The following ANKRD36C variants were observed in gnomAD, a reference collection of about 807,000 sequenced individuals.
ANKRD36C encodes the protein ankyrin repeat domain 36C.
ANKRD36C carries 61 observed loss-of-function variants against 276.4 expected under a neutral mutation model. The ratio of observed to expected loss-of-function variants is 0.22; its 90% CI spans 0.18 to 0.27. The LOEUF (loss-of-function observed/expected upper bound fraction) is 0.27. Among genes scored for constraint, ANKRD36C ranks in the 10% least tolerant of loss-of-function variants. ANKRD36C has a pLI of 1.00. For synonymous variants in ANKRD36C, 483 were observed against 680.1 expected (o/e 0.71, Z 4.51); for missense variants, 1,447 against 2,032.3 (o/e 0.71, Z 5.54).
intron 59 of ANKRD36C, chr2:95,875,964 A>G (rs1675943124): frequency 2.3e-6 from 1 of 444,088 alleles, no homozygotes. Context: ...CTCCCTGAAC[A>G]TAGAAACTGA....
exon 63 of ANKRD36C, chr2:95,855,576 A>G (rs5005868): frequency 2.6e-4 from 424 of 1,610,708 alleles, no homozygotes; most frequent in Non-Finnish European, 3.5e-4. Context: ...CATTTTTTCA[A>G]TGTCCTTCAT....
At chr2:95,872,206 G>A (rs1295634488) in intron 59 of ANKRD36C, among the ~76,000 whole-genome samples, 1 of 142,712 alleles carries the variant, frequency 7.0e-6, no homozygotes. Flanking sequence ...CAAATCAACA[G>A]AATATACATT....
chr2:95,887,907 T>C lies in ANKRD36C; in HGVS notation c.3061+18A>G. ...TATCTGGACTGAACATGACATTAAA[T>C]GTGTTTTGTGAAATTACCTGTTCCA... On this transcript the variant is annotated intron_variant, in intron 50 of 66. Coordinates refer to ENST00000456556, the Ensembl canonical transcript of ANKRD36C. The C allele has an allele frequency of 6.4e-7, 1 of 1,571,440 alleles. No individual in the cohort carries two copies. The highest frequency in any genetic ancestry group is 8.6e-7 in the Non-Finnish European group (1 of 1,157,420).
rs1400090326 is a variant in ANKRD36C, at chr2:95,915,014, T to C, written c.2450-711A>G. The stretch of plus-strand genomic sequence containing the variant: ...AATAAAAATATCATCCATTATCAAT[T>C]TTGACATATTTCTACAAAGTAAAAC... On this transcript the variant is annotated intron_variant, in intron 38 of 66. Transcript: ENST00000456556. Among the ~76,000 whole-genome samples, 3 of 151,568 alleles carry C rather than the reference T, an allele frequency of 2.0e-5. No individual in the cohort carries two copies. In the East Asian group the frequency reaches 5.9e-4, roughly 30 times the overall value.
At chr2:95,959,040 A>C (rs1311081367) in intron 10 of ANKRD36C, among the ~76,000 whole-genome samples, 2 of 152,252 alleles carry the variant, frequency 1.3e-5, no homozygotes, top group African/African-American at 4.8e-5. Flanking sequence ...GCAATAAAAC[A>C]GTGTCTATAT....
At chr2:95,892,646 T>C (rs1459438259) in intron 44 of ANKRD36C, among the ~76,000 whole-genome samples, 3 of 151,546 alleles carry the variant, frequency 2.0e-5, no homozygotes, top group Non-Finnish European at 3.0e-5. Flanking sequence ...ATCACTGCAA[T>C]ATTCACTATA....
At chr2:95,882,404 T>C in intron 55 of ANKRD36C, 30 bp from the exon 76 acceptor site, 2 of 1,547,286 alleles carry the variant, frequency 1.3e-6, no homozygotes, top group Admixed American at 2.0e-5. Flanking sequence ...AAATAGTCAA[T>C]ACATAATATA....
chr2:95,869,467 CTT>C, intron 59 of ANKRD36C, among the ~76,000 whole-genome samples: 1 of 152,174 alleles, frequency 6.6e-6, no homozygotes, highest in East Asian at 1.9e-4. Context: ...ATTAGGCAAA[CTT>C]TAAATTATTA....
chr2:95,979,159 A>G (rs1269412067), intron 5 of ANKRD36C, among the ~76,000 whole-genome samples: 1 of 152,110 alleles, frequency 6.6e-6, no homozygotes, highest in Non-Finnish European at 1.5e-5. Context: ...CTCAGTTTAT[A>G]GATCACCTTA....
intron 6 of ANKRD36C, among the ~76,000 whole-genome samples, chr2:95,964,213 C>T (rs1020396412): frequency 1.3e-5 from 2 of 150,454 alleles, no homozygotes; most frequent in African/African-American, 4.9e-5. Flanking sequence ...CTAGATTAAG[C>T]TGCAACCCAA....
chr2:95,972,219 A>C (rs1275801935), intron 6 of ANKRD36C, among the ~76,000 whole-genome samples: 5 of 152,194 alleles, frequency 3.3e-5, no homozygotes, highest in Non-Finnish European at 7.3e-5. Context: ...ACTATACCTA[A>C]ACTGTTTGCA....
intron 22 of ANKRD36C, among the ~76,000 whole-genome samples, chr2:95,937,689 C>T (rs1677755611): frequency 6.6e-6 from 1 of 152,424 alleles, no homozygotes; most frequent in Non-Finnish European, 1.5e-5. Flanking sequence ...TTTCCAATGT[C>T]ATTCTCTGAA....
exon 63 of ANKRD36C, chr2:95,856,124 A>G: frequency 6.2e-7 from 1 of 1,608,118 alleles, no homozygotes; most frequent in Non-Finnish European, 8.5e-7. Flanking sequence ...TGGCAATTTC[A>G]TCTTGCATCA....
At chr2:95,889,073 T>A (rs1184926379) in intron 48 of ANKRD36C, among the ~76,000 whole-genome samples, 2 of 151,582 alleles carry the variant, frequency 1.3e-5, no homozygotes, top group South Asian at 4.1e-4. Flanking sequence ...TATTCGTTTA[T>A]CTCAGTTTTA....
At chr2:95,953,325 C>T (rs1185059838) in intron 14 of ANKRD36C, among the ~76,000 whole-genome samples, 1 of 152,050 alleles carries the variant, frequency 6.6e-6, no homozygotes, top group Non-Finnish European at 1.5e-5. Context: ...GACTTGATCT[C>T]TTGAATAGGT....
intron 60 of ANKRD36C, among the ~76,000 whole-genome samples, chr2:95,863,486 G>A (rs1421602994): frequency 1.3e-5 from 2 of 152,092 alleles, no homozygotes; most frequent in Non-Finnish European, 2.9e-5. Flanking sequence ...AACTCAGTCT[G>A]TAATGTTAGC....
chr2:95,854,477 A>C (rs1675363847), intron 63 of ANKRD36C, among the ~76,000 whole-genome samples: 1 of 152,260 alleles, frequency 6.6e-6, no homozygotes, highest in South Asian at 2.1e-4. Context: ...CCAGTGTCAA[A>C]CTAATAAATC....
chr2:95,896,705 AT>A (rs1223621625), intron 44 of ANKRD36C, among the ~76,000 whole-genome samples: 1 of 143,226 alleles, frequency 7.0e-6, no homozygotes, highest in Non-Finnish European at 1.5e-5. Flanking sequence ...AATATTTGTT[AT>A]GAAAATATTC....
At chr2:95,863,037 GA>G (rs1397150644) in intron 60 of ANKRD36C, among the ~76,000 whole-genome samples, 1 of 151,656 alleles carries the variant, frequency 6.6e-6, no homozygotes, top group Non-Finnish European at 1.5e-5. Flanking sequence ...AGAAACAATA[GA>G]AAAAAATCAA....
Sources: gnomAD v4.1 joint callset for allele counts (sites outside exome capture counted in the v4.1 genomes callset) on GRCh38, gnomAD v4.1.1 for gene constraint, MANE v1.5 for transcripts, NCBI Gene and HGNC (gene_info 2026-07-23, HGNC 2026-07-21) for gene names.